GALNT10: variants seen among roughly 807,000 people sequenced by gnomAD.
The protein encoded by GALNT10 is GalNAc transferase 10.
A neutral mutation model predicts 75.0 loss-of-function variants in GALNT10; 41 were observed. That is an observed-to-expected ratio of 0.55 (90% CI 0.43 to 0.71). The LOEUF (loss-of-function observed/expected upper bound fraction) is 0.71. GALNT10 is among the 30% of genes least tolerant of loss of function. GALNT10 has a pLI of 0.00. For synonymous variants in GALNT10, 302 were observed against 313.0 expected (o/e 0.96, Z 0.37); for missense variants, 727 against 818.5 (o/e 0.89, Z 1.36).
intron 8 of GALNT10, among the ~76,000 whole-genome samples, chr5:154,405,035 T>C (rs1444684078): frequency 6.7e-6 from 1 of 149,428 alleles, no homozygotes; most frequent in Non-Finnish European, 1.5e-5. Flanking sequence ...GGAGGGAGGG[T>C]CCCCAGAGGA....
intron 1 of GALNT10, among the ~76,000 whole-genome samples, chr5:154,217,742 T>C (rs908094740): frequency 1.3e-5 from 2 of 152,188 alleles, no homozygotes; most frequent in Non-Finnish European, 2.9e-5. Context: ...AAGGCCTGAG[T>C]TGAATCTTGG....
chr5:154,249,393 C>T (rs545094693), intron 1 of GALNT10, among the ~76,000 whole-genome samples: 2 of 152,214 alleles, frequency 1.3e-5, no homozygotes, highest in Admixed American at 6.5e-5. Flanking sequence ...CAAATGCACA[C>T]ACCAATATTA....
intron 4 of GALNT10, among the ~76,000 whole-genome samples, chr5:154,369,960 G>C (rs1755541410): frequency 6.6e-6 from 1 of 152,218 alleles, no homozygotes; most frequent in African/African-American, 2.4e-5. Context: ...TCTACTTTTG[G>C]CGCTCCTCAG....
chr5:154,343,120 T>C (rs1032491219), intron 4 of GALNT10, among the ~76,000 whole-genome samples: 1 of 151,552 alleles, frequency 6.6e-6, no homozygotes, highest in African/African-American at 2.4e-5. Flanking sequence ...GCCCTGTGAG[T>C]GTCCAGGTCC....
chr5:154,245,905 C>T (rs1180308253), intron 1 of GALNT10, among the ~76,000 whole-genome samples: 1 of 151,234 alleles, frequency 6.6e-6, no homozygotes, highest in African/African-American at 2.4e-5. Flanking sequence ...TGTGCTGCAC[C>T]CATTAACTCG....
At chr5:154,193,288 C>T (rs1774889161) in intron 1 of GALNT10, among the ~76,000 whole-genome samples, 1 of 152,210 alleles carries the variant, frequency 6.6e-6, no homozygotes, top group Non-Finnish European at 1.5e-5. Flanking sequence ...CATTCATCTG[C>T]TGCCTTTCAA....
intron 1 of GALNT10, among the ~76,000 whole-genome samples, chr5:154,215,432 A>T (rs1402598214): frequency 6.6e-6 from 1 of 152,122 alleles, no homozygotes; most frequent in East Asian, 1.9e-4. Flanking sequence ...CAGTGAGCCG[A>T]GATGGCGCCA....
intron 3 of GALNT10, among the ~76,000 whole-genome samples, chr5:154,320,152 AAATG>A (rs1167574491): frequency 3.9e-5 from 6 of 152,340 alleles, no homozygotes; most frequent in African/African-American, 1.4e-4. Context: ...TTTATTTAGG[AAATG>A]AATGGATGGA....
chr5:154,403,826 A>C (rs566837072), intron 7 of GALNT10: 2 of 457,520 alleles, frequency 4.4e-6, no homozygotes, highest in South Asian at 4.6e-5. Flanking sequence ...GTAAAATGTT[A>C]CTACCTACTT....
intron 3 of GALNT10, among the ~76,000 whole-genome samples, chr5:154,320,976 A>G (rs1034751922): frequency 9.9e-5 from 15 of 152,200 alleles, no homozygotes; most frequent in African/African-American, 3.4e-4. Context: ...CAGAGGTACA[A>G]TTTGAAACTA....
rs756987983 is a variant in GALNT10, at chr5:154,380,484, C to T, written c.791C>T (p.Pro264Leu). 3.7e-6 allele frequency: 6 copies of T among 1,613,902 alleles called. No homozygotes were observed. In the Admixed American group the frequency reaches 1.0e-4, roughly 27 times the overall value. ...CGGAACCGCAAGACCATTGTGTGCC[C>T]GATGATTGATGTAATTGACCATGAC... ...IARNRKTIVC[P>L]MIDVIDHDDF... The change falls in exon 6 of 12, where the codon CCG (proline) becomes CTG (leucine). Residue 264 changes from proline to leucine, a missense_variant. Pro to Leu is a moderately conservative substitution (Grantham distance 98). Coordinates refer to ENST00000297107, the MANE Select transcript of GALNT10 (RefSeq NM_198321.4).
Position 154,361,047 on chromosome 5 carries a change from C to CTT in GALNT10, c.569-15229_569-15228insTT, listed in dbSNP as rs879740618. Among the ~76,000 whole-genome samples, 1,264 of 152,118 alleles carry CTT rather than the reference C, an allele frequency of 8.3e-3. 9 individuals are homozygous for CTT. The highest frequency in any genetic ancestry group is 0.029 in the African/African-American group (1,208 of 41,478). Reference sequence around the variant, plus strand: ...TTATCATTAGAGAGAATATATGGGACTCTTAATTCCCTGTGTACTCAGATG... The same window carrying CTT: ...TTATCATTAGAGAGAATATATGGGACTTTCTTAATTCCCTGTGTACTCAGATG... On this transcript the variant is annotated intron_variant, in intron 4 of 11. Coordinates refer to ENST00000297107, the MANE Select transcript of GALNT10 (RefSeq NM_198321.4).
chr5:154,394,768 T>C (rs1255111696), intron 7 of GALNT10, among the ~76,000 whole-genome samples: 1 of 152,220 alleles, frequency 6.6e-6, no homozygotes, highest in Non-Finnish European at 1.5e-5. Flanking sequence ...CCCATCCTTT[T>C]CCCTGCCCCT....
At chr5:154,315,880 G>A (rs1035478008) in intron 3 of GALNT10, among the ~76,000 whole-genome samples, 1 of 152,140 alleles carries the variant, frequency 6.6e-6, no homozygotes, top group African/African-American at 2.4e-5. Flanking sequence ...GCACCAACAT[G>A]TTCCTTTCTT....
At chr5:154,403,329 A>C (rs1756206793) in intron 7 of GALNT10, among the ~76,000 whole-genome samples, 1 of 152,274 alleles carries the variant, frequency 6.6e-6, no homozygotes, top group East Asian at 1.9e-4. Flanking sequence ...TTGGCTGTAC[A>C]TGTTCACATT....
chr5:154,234,082 C>T (rs1460350853), intron 1 of GALNT10, among the ~76,000 whole-genome samples: 4 of 152,186 alleles, frequency 2.6e-5, no homozygotes, highest in African/African-American at 9.7e-5. Context: ...TGTCTCTCTT[C>T]TCTCTAACTT....
intron 3 of GALNT10, among the ~76,000 whole-genome samples, chr5:154,309,288 A>G (rs1434648029): frequency 6.6e-6 from 1 of 152,058 alleles, no homozygotes; most frequent in Non-Finnish European, 1.5e-5. Context: ...GATGATGTGA[A>G]TGATGAGAAG....
chr5:154,362,690 T>C (rs922683012), intron 4 of GALNT10, among the ~76,000 whole-genome samples: 1 of 152,230 alleles, frequency 6.6e-6, no homozygotes, highest in Non-Finnish European at 1.5e-5. Flanking sequence ...AGTTCAACTA[T>C]TTCTCCAATA....
chr5:154,417,720 G>A lies in GALNT10; in HGVS notation c.*748G>A, dbSNP rs984839099. On this transcript the variant is annotated 3_prime_UTR_variant, in exon 12 of 12. Transcript: ENST00000297107. ...GAAATGTCAATTTTAGCACTCTCCA[G>A]GCACAAGGACAGCCCAGCACCAGCT... The A allele has an allele frequency of 2.0e-5, 3 of 152,304 alleles. No individual in the cohort carries two copies. Among genetic ancestry groups the A allele is most frequent in the Non-Finnish European group, 2.9e-5 (2 of 68,148 alleles). 9.4% of individuals were successfully genotyped at this position (152,304 alleles called of 1,614,324 possible).
Sources: gnomAD v4.1 joint callset for allele counts (sites outside exome capture counted in the v4.1 genomes callset) on GRCh38, gnomAD v4.1.1 for gene constraint, MANE v1.5 for transcripts, NCBI Gene and HGNC (gene_info 2026-07-23, HGNC 2026-07-21) for gene names.